ELF1: variants seen among roughly 807,000 people sequenced by gnomAD.
The protein encoded by ELF1 is ETS-related transcription factor Elf-1.
ELF1 carries 24 observed loss-of-function variants against 59.9 expected under a neutral mutation model. The observed-to-expected ratio is 0.40, with a 90% CI of 0.29 to 0.56. The LOEUF (loss-of-function observed/expected upper bound fraction) is 0.56. Ranked by LOEUF, ELF1 falls within the 20% of genes least tolerant of loss-of-function variation. The probability of loss-of-function intolerance (pLI) is 0.44; values close to 1 mark genes in which losing one functional copy is unlikely to be tolerated. For synonymous variants in ELF1, 248 were observed against 266.2 expected (o/e 0.93, Z 0.67); for missense variants, 627 against 742.2 (o/e 0.84, Z 1.80).
intron 1 of ELF1, among the ~76,000 whole-genome samples, chr13:40,996,569 T>C (rs1831466595): frequency 6.6e-6 from 1 of 152,170 alleles, no homozygotes; most frequent in African/African-American, 2.4e-5. Flanking sequence ...TACACCACCA[T>C]AAGTGAACCC....
chr13:41,044,096 TTGTC>T (rs1876739654), intron 1 of ELF1, among the ~76,000 whole-genome samples: 1 of 152,214 alleles, frequency 6.6e-6, no homozygotes, highest in Non-Finnish European at 1.5e-5. Context: ...GGTTCTCTGT[TTGTC>T]TGTTATTGGT....
At chr13:41,040,962 T>A (rs1037855379) in intron 1 of ELF1, among the ~76,000 whole-genome samples, 2 of 152,066 alleles carry the variant, frequency 1.3e-5, no homozygotes, top group African/African-American at 4.8e-5. Flanking sequence ...AATCAACAAG[T>A]GACAAAGAAT....
At chr13:40,934,416 CTTTTT>C (rs10692930) in intron 8 of ELF1, among the ~76,000 whole-genome samples, 35 of 102,480 alleles carry the variant, frequency 3.4e-4, no homozygotes, top group African/African-American at 4.6e-4. Flanking sequence ...TTCATTCCTG[CTTTTT>C]TTTTTTTTTT....
intron 1 of ELF1, among the ~76,000 whole-genome samples, chr13:41,017,050 CAT>C (rs1265485105): frequency 1.5e-5 from 2 of 136,868 alleles, no homozygotes; most frequent in African/African-American, 5.4e-5. Context: ...CCCACCTCTT[CAT>C]ATTTCCATCT....
chr13:41,017,350 C>T (rs1406223141), intron 1 of ELF1, among the ~76,000 whole-genome samples: 1 of 152,096 alleles, frequency 6.6e-6, no homozygotes, highest in Non-Finnish European at 1.5e-5. Context: ...TTAGGTACTG[C>T]ATGACCTCAA....
intron 1 of ELF1, among the ~76,000 whole-genome samples, chr13:41,049,035 T>G (rs1302493017): frequency 6.6e-6 from 1 of 152,184 alleles, no homozygotes; most frequent in African/African-American, 2.4e-5. Flanking sequence ...CTTTAAACAC[T>G]TCTTTGGCTT....
chr13:41,060,914 T>TGCTGCCGCTGCCGCCGCCGCCGCCGCC (rs878930377), exon 1 of ELF1: 2 of 335,534 alleles, frequency 6.0e-6, no homozygotes, highest in African/African-American at 2.3e-5. Flanking sequence ...AAGCTGCTGC[T>TGCTGCCGCTGCCGCCGCCGCCGCCGCC]GCCGCCGCCG....
chr13:40,945,003 C>G (rs1311231566), intron 5 of ELF1, among the ~76,000 whole-genome samples: 2 of 152,186 alleles, frequency 1.3e-5, no homozygotes, highest in Non-Finnish European at 2.9e-5. Context: ...TCTTCAGTCT[C>G]TAAGACTGCC....
At chr13:41,058,878 C>G (rs1877384126) in intron 1 of ELF1, among the ~76,000 whole-genome samples, 1 of 152,194 alleles carries the variant, frequency 6.6e-6, no homozygotes. Flanking sequence ...GAGGCTGAGG[C>G]ACGAGAATAG....
At chr13:41,030,925 C>CTGAA (rs1876134014) in intron 1 of ELF1, among the ~76,000 whole-genome samples, 1 of 151,722 alleles carries the variant, frequency 6.6e-6, no homozygotes, top group African/African-American at 2.4e-5. Context: ...CTTCAGGGAA[C>CTGAA]TGAAGCAGGT....
intron 1 of ELF1, among the ~76,000 whole-genome samples, chr13:41,013,328 T>G (rs1185265198): frequency 6.6e-6 from 1 of 152,128 alleles, no homozygotes; most frequent in East Asian, 1.9e-4. Flanking sequence ...GTACAAGTGT[T>G]CCCAAGCTCA....
chr13:41,041,287 C>T (rs1876599575), intron 1 of ELF1, among the ~76,000 whole-genome samples: 1 of 148,810 alleles, frequency 6.7e-6, no homozygotes. Flanking sequence ...AAACCTATTA[C>T]ACCATCCGAA....
intron 1 of ELF1, among the ~76,000 whole-genome samples, chr13:41,049,888 T>C (rs774597252): frequency 2.6e-5 from 4 of 152,212 alleles, no homozygotes; most frequent in African/African-American, 4.8e-5. Context: ...CTTTTATCAT[T>C]GTTTTATCCC....
chr13:40,969,146 G>A (rs1872368864), intron 2 of ELF1, among the ~76,000 whole-genome samples: 2 of 152,124 alleles, frequency 1.3e-5, no homozygotes, highest in South Asian at 4.1e-4. Flanking sequence ...ACTGACTACA[G>A]GTGTAGTACA....
intron 1 of ELF1, among the ~76,000 whole-genome samples, chr13:40,991,705 T>G (rs1029546060): frequency 6.6e-6 from 1 of 152,174 alleles, no homozygotes; most frequent in African/African-American, 2.4e-5. Context: ...TATAACTCAT[T>G]TATATATTTA....
upstream of ELF1, among the ~76,000 whole-genome samples, chr13:41,020,723 T>C (rs1875653907): frequency 6.6e-6 from 1 of 152,246 alleles, no homozygotes; most frequent in African/African-American, 2.4e-5. Flanking sequence ...ACAAAATGAC[T>C]ATTCAGAGCC....
intron 1 of ELF1, among the ~76,000 whole-genome samples, chr13:41,050,258 GCAGTATATCTTCTTTGTGACT>G (rs1877030873): frequency 6.6e-6 from 1 of 152,042 alleles, no homozygotes; most frequent in African/African-American, 2.4e-5. Context: ...GGTGAATCAT[GCAGTATATCTTCTTTGTGACT>G]GGCTTATTTC....
At chr13:41,026,238 C>A (rs1875899997) in intron 1 of ELF1, among the ~76,000 whole-genome samples, 1 of 152,178 alleles carries the variant, frequency 6.6e-6, no homozygotes, top group South Asian at 2.1e-4. Flanking sequence ...TGGTGTGAGG[C>A]ATGTCATGGT....
chr13:41,039,496 C>T (rs562508939), intron 1 of ELF1, among the ~76,000 whole-genome samples: 20 of 152,078 alleles, frequency 1.3e-4, no homozygotes, highest in South Asian at 4.1e-4. Context: ...GCAGTTAAGA[C>T]GATACAATAC....
Sources: allele counts gnomAD v4.1 joint callset (sites outside exome capture counted in the v4.1 genomes callset), GRCh38; gene constraint gnomAD v4.1.1; transcripts MANE v1.5; gene names NCBI Gene and HGNC (gene_info 2026-07-23, HGNC 2026-07-21).